CLCNKA: variants seen among roughly 807,000 people sequenced by gnomAD.
The protein encoded by CLCNKA is chloride channel protein ClC-Ka.
CLCNKA carries 66 observed loss-of-function variants against 83.3 expected under a neutral mutation model. The observed-to-expected ratio is 0.79, with a 90% CI of 0.65 to 0.97. CLCNKA has a LOEUF of 0.97. Ranked by LOEUF, CLCNKA falls within the 50% of genes least tolerant of loss-of-function variation. The pLI is 0.00. For missense variants in CLCNKA, 806 were observed against 888.7 expected, an observed-to-expected ratio of 0.91 and a Z score of 1.18; for synonymous variants, 357 against 370.4, an observed-to-expected ratio of 0.96 and a Z score of 0.42.
At position 16,026,762 on chromosome 1, in the gene CLCNKA, A is replaced by G. The variant is rs371660947; in HGVS notation, c.642A>G (p.Ala214=). The G allele has an allele frequency of 2.5e-6, 4 of 1,613,538 alleles. No individual in the cohort carries two copies. The highest frequency in any genetic ancestry group is 2.2e-5 in the South Asian group (2 of 91,066). The part of the protein sequence containing the change: ...AAAVGVATVF[A]APFSGVLFSI... The stretch of plus-strand genomic sequence containing the variant: ...CAGTGGGCGTGGCCACAGTCTTTGC[A>G]GCTCCCTTCAGCGGTGAGACCCCCC... Residue 214 remains alanine, a synonymous_variant, in exon 7 of 20, where the codon GCA becomes GCG. Transcript: ENST00000331433.
chr1:16,030,522 G>T lies in CLCNKA; in HGVS notation c.1470G>T (p.Glu490Asp). The change falls in exon 15 of 20, where the codon GAG (glutamate) becomes GAT (aspartate). Residue 490 changes from glutamate (E) to aspartate (D), a missense_variant. Transcript: ENST00000331433. ...HTISTALLAF[E>D]LTGQIVHALP... is the part of the protein sequence containing the mutation. ...TCTCCACGGCGCTGCTGGCCTTTGA[G>T]CTGACCGGCCAGATAGTGCATGCAC... The T allele has an allele frequency of 6.2e-7, 1 of 1,613,140 alleles. No homozygotes were observed. The highest frequency in any genetic ancestry group is 8.5e-7 in the Non-Finnish European group (1 of 1,180,038).
Position 16,023,837 on chromosome 1 carries a change from G to A in CLCNKA, c.138G>A (p.Leu46=). The part of the protein sequence containing the change: ...LEWLKQKVFR[L]GEDWYFLMTL... ...GGCTAAAGCAGAAGGTGTTCCGCCT[G>A]GGAGAAGACTGGTACTTCCTGATGA... The change falls in exon 3 of 20, where the codon CTG becomes CTA. Residue 46 remains leucine (L), a synonymous_variant. Transcript: ENST00000331433. 1.2e-6 allele frequency: 2 copies of A among 1,614,186 alleles called. No homozygotes were observed. The highest frequency in any genetic ancestry group is 1.7e-6 in the Non-Finnish European group (2 of 1,180,010).
chr1:16,032,729 T>C (rs547688248), intron 18 of CLCNKA, among the ~76,000 whole-genome samples: 22 of 152,194 alleles, frequency 1.4e-4, no homozygotes, highest in Admixed American at 7.9e-4. Flanking sequence ...GATGAGGGAA[T>C]TGGGGGGCTT....
At position 16,030,057 on chromosome 1, in the gene CLCNKA, G is replaced by C. The variant is rs764903835; in HGVS notation, c.1390G>C (p.Gly464Arg). 1 of 1,602,352 alleles carries C rather than the reference G, an allele frequency of 6.2e-7. No homozygotes were observed. Residue 464 changes from glycine (G) to arginine (R), a missense_variant, in exon 14 of 20, where the codon GGG (glycine) becomes CGG (arginine). Coordinates refer to ENST00000331433, the MANE Select transcript of CLCNKA (RefSeq NM_004070.4). Reference sequence around the variant, plus strand: ...AGGGGTTACCAATCCCATCATGCCCGGGGGGTATGCTCTGGCAGGTGAGTG... The same window carrying C: ...AGGGGTTACCAATCCCATCATGCCCCGGGGGTATGCTCTGGCAGGTGAGTG... ...TGGVTNPIMPGGYALAGAAAF... is the reference protein window; with the variant it reads ...TGGVTNPIMPRGYALAGAAAF...
chr1:16,027,246 AG>A, intron 7 of CLCNKA, 63 bp from the exon 8 acceptor site: 2 of 1,502,832 alleles, frequency 1.3e-6, no homozygotes, highest in Non-Finnish European at 9.0e-7. Flanking sequence ...GAGATGGGGG[AG>A]GGGGCCCTAC....
intron 7 of CLCNKA, chr1:16,026,991 C>T (rs1480434837): frequency 6.0e-6 from 4 of 662,364 alleles, no homozygotes; most frequent in African/African-American, 1.8e-5. Flanking sequence ...TTCAGGATAA[C>T]ATTACACAGA....
Position 16,030,627 on chromosome 1 carries a change from T to C in CLCNKA, c.1575T>C (p.Ile525=), listed in dbSNP as rs375601428. 7.4e-6 allele frequency: 12 copies of C among 1,613,102 alleles called. No individual in the cohort carries two copies. Among genetic ancestry groups the C allele is most frequent in the Non-Finnish European group, 9.3e-6 (11 of 1,180,038 alleles). The change falls in exon 15 of 20, where the codon ATT becomes ATC. Residue 525 remains isoleucine, a synonymous_variant. Transcript: ENST00000331433. ...CQPSFYDGTI[I]VKKLPYLPRI... is the part of the protein sequence containing the mutation. ...CCTCCTTCTATGATGGCACCATCAT[T>C]GTCAAGAAGCTGCCATACCTGCCAC... is the stretch of plus-strand genomic sequence containing the variant.
rs1277090211 is a variant in CLCNKA, at chr1:16,026,571, C to G, written c.534C>G (p.Ala178=). ...TGCACCTGTCTGTAATGATCGCTGC[C>G]TACCTGGGCCGTGTGCGCACCACGA... ...PFVHLSVMIA[A]YLGRVRTTTI... The change falls in exon 6 of 20, where the codon GCC becomes GCG. Residue 178 remains alanine, a synonymous_variant. Transcript: ENST00000331433. 1.2e-6 allele frequency: 2 copies of G among 1,613,932 alleles called. No homozygotes were observed. Among genetic ancestry groups the G allele is most frequent in the Admixed American group, 1.7e-5 (1 of 60,002 alleles).
In CLCNKA at chr1:16,029,766, G is replaced by T; in HGVS notation, c.1263G>T (p.Met421Ile). 1 of 1,614,162 alleles carries T rather than the reference G, an allele frequency of 6.2e-7. No individual in the cohort carries two copies. The highest frequency in any genetic ancestry group is 8.5e-7 in the Non-Finnish European group (1 of 1,180,024). Residue 421 changes from methionine to isoleucine, a missense_variant, in exon 13 of 20, where the codon ATG becomes ATT. Physicochemically the swap from Met to Ile is conservative, Grantham distance 10 (BLOSUM62 1). Coordinates refer to ENST00000331433, the MANE Select transcript of CLCNKA (RefSeq NM_004070.4). ...TGATTCTGGCCACCACCATCCCCAT[G>T]CCTGCCGGGTACTTCATGCCCATCT... is the stretch of plus-strand genomic sequence containing the variant. The part of the protein sequence containing the change: ...WMLILATTIP[M>I]PAGYFMPIFI...
At position 16,026,619 on chromosome 1, in the gene CLCNKA, G is replaced by T. The variant is rs952329167; in HGVS notation, c.576+6G>T. 1.2e-6 allele frequency: 2 copies of T among 1,613,916 alleles called. No individual in the cohort carries two copies. The highest frequency in any genetic ancestry group is 2.7e-5 in the African/African-American group (2 of 74,924). On this transcript the variant is annotated splice_donor_region_variant and intron_variant, in intron 6 of 19. Coordinates refer to ENST00000331433, the MANE Select transcript of CLCNKA (RefSeq NM_004070.4). Reference sequence around the variant, plus strand: ...CGACCATCGGGGAGCCTGAGGTTAGGGACTCGGGGGCTTCCTTGGAGAAAT... The same window carrying T: ...CGACCATCGGGGAGCCTGAGGTTAGTGACTCGGGGGCTTCCTTGGAGAAAT...
At chr1:16,027,166 C>T (rs1213081757) in intron 7 of CLCNKA, 144 bp from the exon 8 acceptor site, 1 of 1,252,542 alleles carries the variant, frequency 8.0e-7, no homozygotes, top group African/African-American at 1.5e-5. Flanking sequence ...GGGCGCAAGC[C>T]CTGCCCTCCC....
chr1:16,033,781 AT>A lies in CLCNKA; in HGVS notation c.*124del. 1.0e-6 allele frequency: 1 copy of A among 983,676 alleles called. No individual in the cohort carries two copies. Among genetic ancestry groups the A allele is most frequent in the African/African-American group, 1.6e-5 (1 of 61,856 alleles). 60.9% of individuals were successfully genotyped at this position (983,676 alleles called of 1,614,324 possible). A position where few individuals can be genotyped will look rare whatever the true frequency, so the allele number is the denominator to read the frequency against. On this transcript the variant is annotated 3_prime_UTR_variant, in exon 20 of 20. Transcript: ENST00000331433. ...CTCCAGCCCAGCTCCATTCTTTGGC[AT>A]AACAGGCAACTCTAACCTAGCCCAG... is the stretch of plus-strand genomic sequence containing the variant.
chr1:16,024,027 C>T (rs2022245035), intron 3 of CLCNKA, 99 bp downstream of exon 3: 4 of 1,469,840 alleles, frequency 2.7e-6, no homozygotes, highest in Non-Finnish European at 3.8e-6. Flanking sequence ...CAGGGACGGA[C>T]CTGGGTGCGG....
rs1490606064 is a variant in CLCNKA, at chr1:16,030,005, C to T, written c.1338C>T (p.Val446=). 3.1e-6 allele frequency: 5 copies of T among 1,611,144 alleles called. 1 individual carries two copies. Among genetic ancestry groups the T allele is most frequent in the Non-Finnish European group, 4.2e-6 (5 of 1,177,818 alleles). The change falls in exon 14 of 20, where the codon GTC becomes GTT. Residue 446 remains valine, a synonymous_variant. Transcript: ENST00000331433. The part of the protein sequence containing the change: ...IGRLLGEALA[V]AFPEGIVTGG... ...GCCTCTTGGGAGAGGCTCTTGCCGTCGCCTTCCCTGAGGGCATTGTGACTG... is the reference window on the plus strand; with the variant it reads ...GCCTCTTGGGAGAGGCTCTTGCCGTTGCCTTCCCTGAGGGCATTGTGACTG...
At chr1:16,030,732 G>A (rs2022590109) in intron 15 of CLCNKA, 58 bp downstream of exon 15, 1 of 1,608,502 alleles carries the variant, frequency 6.2e-7, no homozygotes, top group Non-Finnish European at 8.5e-7. Context: ...GGCTTGGCTG[G>A]GGGTGGAGGG....
Position 16,032,519 on chromosome 1 carries a change from T to C in CLCNKA, c.1922T>C (p.Leu641Ser), listed in dbSNP as rs147408539. The C allele has an allele frequency of 6.2e-6, 10 of 1,612,298 alleles. No homozygotes were observed. The highest frequency in any genetic ancestry group is 8.5e-6 in the Non-Finnish European group (10 of 1,179,218). ...CTGACGCTATTCTCAGAGACCACCTTGCACCAGGTAACAAGTATTGGGGAG... is the reference window on the plus strand; with the variant it reads ...CTGACGCTATTCTCAGAGACCACCTCGCACCAGGTAACAAGTATTGGGGAG... ...VTLTLFSETT[L>S]HQAQNLFKLL... is the part of the protein sequence containing the mutation. Residue 641 changes from leucine to serine, a missense_variant, in exon 18 of 20, where the codon TTG (leucine) becomes TCG (serine). Physicochemically the swap from Leu to Ser is moderately radical, Grantham distance 145 (BLOSUM62 -2). Transcript: ENST00000331433.
intron 19 of CLCNKA, 117 bp from the exon 20 acceptor site, chr1:16,033,494 T>A (rs1570315422): frequency 1.0e-6 from 1 of 974,082 alleles, no homozygotes; most frequent in Non-Finnish European, 1.6e-6. Context: ...TGCAATGGGG[T>A]GGCACAGGCT....
chr1:16,027,034 C>T (rs2124034399), intron 7 of CLCNKA: 1 of 648,928 alleles, frequency 1.5e-6, no homozygotes, highest in East Asian at 2.7e-5. Flanking sequence ...CCCTTGGCCT[C>T]TCTGAGCGCA....
chr1:16,028,907 G>A (rs2022497327), intron 11 of CLCNKA, 62 bp downstream of exon 11: 2 of 1,579,310 alleles, frequency 1.3e-6, no homozygotes. Context: ...CCCTTTGCAT[G>A]TGTCTCACGT....
Sources: gnomAD v4.1 joint callset for allele counts (sites outside exome capture counted in the v4.1 genomes callset) on GRCh38, gnomAD v4.1.1 for gene constraint, MANE v1.5 for transcripts, NCBI Gene and HGNC (gene_info 2026-07-23, HGNC 2026-07-21) for gene names.